ISL1: variants seen among roughly 807,000 people sequenced by gnomAD.
ISL1 encodes ISL LIM homeobox 1.
Under a neutral mutation model 35.3 loss-of-function variants are expected in ISL1, and 4 were observed. The observed-to-expected ratio is 0.11, with a 90% CI of 0.06 to 0.26. The LOEUF (loss-of-function observed/expected upper bound fraction) is 0.26. Ranked by LOEUF, ISL1 falls within the 10% of genes least tolerant of loss-of-function variation. The probability of loss-of-function intolerance (pLI) is 1.00; values close to 1 mark genes in which losing one functional copy is unlikely to be tolerated. For synonymous variants in ISL1, 186 were observed against 172.3 expected (o/e 1.08, Z -0.62); for missense variants, 340 against 472.8 (o/e 0.72, Z 2.60).
Position 51,384,633 on chromosome 5 carries a change from G to T in ISL1, c.121G>T (p.Ala41Ser), listed in dbSNP as rs1371559077. The stretch of plus-strand genomic sequence containing the variant: ...TTCTCCGGATTTGGAATGGCATGCG[G>T]CATGTTTGAAATGTGCGGAGTGTAA... ...RVSPDLEWHA[A>S]CLKCAECNQY... is the part of the protein sequence containing the mutation. Residue 41 changes from alanine (A) to serine (S), a missense_variant, in exon 2 of 6, where the codon GCA (alanine) becomes TCA (serine). Physicochemically the swap from Ala to Ser is moderately conservative, Grantham distance 99 (BLOSUM62 1). Transcript: ENST00000230658. 4.3e-6 allele frequency: 7 copies of T among 1,614,112 alleles called. No homozygotes were observed. Among genetic ancestry groups the T allele is most frequent in the Non-Finnish European group, 5.9e-6 (7 of 1,180,000 alleles).
Position 51,393,355 on chromosome 5 carries a change from T to A in ISL1, c.934-139T>A. On this transcript the variant is annotated intron_variant, in intron 5 of 5. Transcript: ENST00000230658. Reference sequence around the variant, plus strand: ...CTCCTCTAGGCTTTCTCTAAGCCTGTTAAAATTCAGTTATCTATGTGAATA... The same window carrying A: ...CTCCTCTAGGCTTTCTCTAAGCCTGATAAAATTCAGTTATCTATGTGAATA... The A allele has an allele frequency of 2.9e-6, 2 of 693,812 alleles. 1 individual carries two copies. The allele number at this position is 693,812 out of a possible 1,614,324, so 43.0% of individuals were successfully genotyped here. A position where few individuals can be genotyped will look rare whatever the true frequency, so the allele number is the denominator to read the frequency against.
chr5:51,387,766 C>T lies in ISL1; in HGVS notation c.478+17C>T. 1.2e-6 allele frequency: 2 copies of T among 1,613,356 alleles called. No homozygotes were observed. Among genetic ancestry groups the T allele is most frequent in the Non-Finnish European group, 1.7e-6 (2 of 1,179,844 alleles). On this transcript the variant is annotated intron_variant, in intron 3 of 5. Coordinates refer to ENST00000230658, the MANE Select transcript of ISL1 (RefSeq NM_002202.3). The surrounding 1 kb of genome is among the most constrained non-coding windows in gnomAD (Gnocchi z 4.3). Reference sequence around the variant, plus strand: ...AAATGGCAGGTACTCCTCTGCCCGGCTCGGGTAGGCAGGCGCCAGGTTAAG... The same window carrying T: ...AAATGGCAGGTACTCCTCTGCCCGGTTCGGGTAGGCAGGCGCCAGGTTAAG...
At position 51,387,935 on chromosome 5, in the gene ISL1, C is replaced by G. The variant is rs1445924304; in HGVS notation, c.478+186C>G. ...GCAAGGTTCAATGCACTCACTGTCT[C>G]CCTTGATTCCCCGAGCACACCTACA... is the stretch of plus-strand genomic sequence containing the variant. On this transcript the variant is annotated intron_variant, in intron 3 of 5. Coordinates refer to ENST00000230658, the MANE Select transcript of ISL1 (RefSeq NM_002202.3). The surrounding 1 kb of genome is among the most constrained non-coding windows in gnomAD (Gnocchi z 4.3). 1.3e-5 allele frequency among the ~76,000 whole-genome samples: 2 copies of G among 152,254 alleles called. No individual in the cohort carries two copies. The highest frequency in any genetic ancestry group is 2.9e-5 in the Non-Finnish European group (2 of 68,054).
At chr5:51,383,724 G>A (rs1442590867) in intron 1 of ISL1, 25 bp downstream of exon 1, 3 of 1,601,194 alleles carry the variant, frequency 1.9e-6, no homozygotes, top group Non-Finnish European at 2.6e-6. Flanking sequence ...TACCTTGTGG[G>A]GCTCGGTGTG....
chr5:51,390,374 GGCAGGTCACCCTGTGA>G (rs891522571), intron 4 of ISL1, among the ~76,000 whole-genome samples: 8 of 152,044 alleles, frequency 5.3e-5, no homozygotes, highest in African/African-American at 1.9e-4. Context: ...GGGTTCCGTG[GGCAGGTCACCCTGTGA>G]GCCCCCAGGG....
At chr5:51,392,972 A>G (rs1747553508) in intron 5 of ISL1, among the ~76,000 whole-genome samples, 1 of 152,208 alleles carries the variant, frequency 6.6e-6, no homozygotes, top group Non-Finnish European at 1.5e-5. Flanking sequence ...GCCAAGAGGC[A>G]GCAGGACCAA....
intron 4 of ISL1, 82 bp downstream of exon 4, chr5:51,390,014 G>T (rs1201393076): frequency 2.7e-6 from 4 of 1,494,634 alleles, no homozygotes; most frequent in East Asian, 4.6e-5. Flanking sequence ...ACGCAGGATC[G>T]CACGGTTTTC....
In ISL1 at chr5:51,389,341, T is replaced by C. The variant is rs915004908; in HGVS notation, c.479-305T>C. Reference sequence around the variant, plus strand: ...GACTTTGAGACCTGCTTCCCTTGGCTAACACTTTGTTGACACGAGGAGGGG... The same window carrying C: ...GACTTTGAGACCTGCTTCCCTTGGCCAACACTTTGTTGACACGAGGAGGGG... On this transcript the variant is annotated intron_variant, in intron 3 of 5. Coordinates refer to ENST00000230658, the MANE Select transcript of ISL1 (RefSeq NM_002202.3). The surrounding 1 kb of genome is among the most constrained non-coding windows in gnomAD (Gnocchi z 5.0). Among the ~76,000 whole-genome samples the C allele has an allele frequency of 1.3e-5, 2 of 152,156 alleles. No homozygotes were observed. Among genetic ancestry groups the C allele is most frequent in the African/African-American group, 4.8e-5 (2 of 41,440 alleles).
chr5:51,392,940 T>G (rs558197036), intron 5 of ISL1, among the ~76,000 whole-genome samples: 1 of 152,104 alleles, frequency 6.6e-6, no homozygotes, highest in East Asian at 1.9e-4. Flanking sequence ...AGAGCCTGAT[T>G]TAAAGAGAGA....
At chr5:51,384,087 C>T (rs1296439039) in intron 1 of ISL1, among the ~76,000 whole-genome samples, 3 of 152,140 alleles carry the variant, frequency 2.0e-5, no homozygotes, top group Non-Finnish European at 4.4e-5. Context: ...TGTATTTATG[C>T]CTGCTCTTGC....
chr5:51,389,881 G>A lies in ISL1; in HGVS notation c.714G>A (p.Lys238=), dbSNP rs1324005676. 1 of 1,614,218 alleles carries A rather than the reference G, an allele frequency of 6.2e-7. No homozygotes were observed. Among genetic ancestry groups the A allele is most frequent in the Admixed American group, 1.7e-5 (1 of 60,030 alleles). ...WFQNKRCKDK[K]RSIMMKQLQQ... is the part of the protein sequence containing the mutation. ...AAAACAAGCGGTGCAAGGACAAGAAGCGAAGCATCATGATGAAGCAACTCC... is the reference window on the plus strand; with the variant it reads ...AAAACAAGCGGTGCAAGGACAAGAAACGAAGCATCATGATGAAGCAACTCC... Residue 238 remains lysine (K), a synonymous_variant, in exon 4 of 6, where the codon AAG becomes AAA. Transcript: ENST00000230658. The surrounding 1 kb of genome is among the most constrained non-coding windows in gnomAD (Gnocchi z 5.0).
intron 5 of ISL1, among the ~76,000 whole-genome samples, chr5:51,393,124 AG>A (rs1747555666): frequency 6.6e-6 from 1 of 152,190 alleles, no homozygotes; most frequent in Non-Finnish European, 1.5e-5. Flanking sequence ...CTAGAGACTG[AG>A]AGCTCACCTA....
chr5:51,385,992 G>A (rs1254476078), intron 2 of ISL1, among the ~76,000 whole-genome samples: 2 of 152,112 alleles, frequency 1.3e-5, no homozygotes, highest in Non-Finnish European at 2.9e-5. Context: ...CTGGTTGGGG[G>A]AGGTTAATAC....
At chr5:51,391,154 A>G (rs1348849207) in intron 4 of ISL1, 120 bp from the exon 5 acceptor site, 1 of 913,694 alleles carries the variant, frequency 1.1e-6, no homozygotes. Context: ...TAACTGAGTC[A>G]ATAAAGACCA....
At chr5:51,391,917 A>G in intron 5 of ISL1, among the ~76,000 whole-genome samples, 1 of 152,216 alleles carries the variant, frequency 6.6e-6, no homozygotes, top group East Asian at 1.9e-4. Flanking sequence ...GCTATAATAC[A>G]CAATCAGTGT....
intron 5 of ISL1, among the ~76,000 whole-genome samples, chr5:51,392,222 T>C (rs1331293601): frequency 2.1e-4 from 32 of 152,186 alleles, no homozygotes. Context: ...TTAATTCACT[T>C]TTTGCCTACA....
rs1457657969 is a variant in ISL1 at position 51,383,565 on chromosome 5, A to C, written c.-107A>C. 1.0e-6 allele frequency: 1 copy of C among 970,790 alleles called. No homozygotes were observed. Among genetic ancestry groups the C allele is most frequent in the Non-Finnish European group, 1.7e-6 (1 of 593,546 alleles). The allele number at this position is 970,790 out of a possible 1,614,324, so 60.1% of individuals were successfully genotyped here. Reference sequence around the variant, plus strand: ...CGGCTCTTTCAGCATTGGCAACCCCAGGGGCCAATATTTCCCACTTAGCCA... The same window carrying C: ...CGGCTCTTTCAGCATTGGCAACCCCCGGGGCCAATATTTCCCACTTAGCCA... On this transcript the variant is annotated 5_prime_UTR_variant, in exon 1 of 6. Transcript: ENST00000230658.
In ISL1 at chr5:51,384,522, G is replaced by A. The variant is rs1329371939; in HGVS notation, c.29-19G>A. ...AGGAAGTAAACGGTTAGTCAATCAT[G>A]TATTTATTTTCATTTCAGAAAAACG... On this transcript the variant is annotated intron_variant, in intron 1 of 5. Coordinates refer to ENST00000230658, the MANE Select transcript of ISL1 (RefSeq NM_002202.3). 1.2e-6 allele frequency: 2 copies of A among 1,610,624 alleles called. No homozygotes were observed. The highest frequency in any genetic ancestry group is 1.7e-6 in the Non-Finnish European group (2 of 1,177,010).
intron 5 of ISL1, among the ~76,000 whole-genome samples, chr5:51,392,524 G>A (rs1237748074): frequency 6.6e-6 from 1 of 152,178 alleles, no homozygotes; most frequent in East Asian, 1.9e-4. Context: ...CCAGGCTTGT[G>A]TTTGCAAATG....
Sources: gnomAD v4.1 joint callset for allele counts (sites outside exome capture counted in the v4.1 genomes callset) on GRCh38, gnomAD v4.1.1 for gene constraint, Gnocchi (gnomAD v3.1) non-coding constraint, MANE v1.5 for transcripts, NCBI Gene and HGNC (gene_info 2026-07-23, HGNC 2026-07-21) for gene names.